The following CNTNAP4 variants were observed in gnomAD, a reference collection of about 807,000 sequenced individuals.
CNTNAP4 encodes the protein contactin-associated protein-like 4.
A neutral mutation model predicts 148.4 loss-of-function variants in CNTNAP4; 98 were observed. The ratio of observed to expected loss-of-function variants is 0.66; its 90% confidence interval spans 0.56 to 0.78. The LOEUF (loss-of-function observed/expected upper bound fraction) is 0.78. Among genes scored for constraint, CNTNAP4 ranks in the 30% least tolerant of loss-of-function variants. The pLI, the probability that CNTNAP4 is intolerant of heterozygous loss-of-function variation, is 0.00. For synonymous variants in CNTNAP4, 730 were observed against 565.1 expected, an observed-to-expected ratio of 1.29 and a Z score of -4.14; for missense variants, 1,935 against 1,565.6, an observed-to-expected ratio of 1.24 and a Z score of -3.98.
chr16:76,492,796 G>C (rs1193197657), intron 13 of CNTNAP4, among the ~76,000 whole-genome samples: 1 of 152,108 alleles, frequency 6.6e-6, no homozygotes, highest in Non-Finnish European at 1.5e-5. Flanking sequence ...GGCCTCCCCA[G>C]CCATGTGGAA....
At chr16:76,401,830 G>T (rs2078428365) in intron 3 of CNTNAP4, among the ~76,000 whole-genome samples, 1 of 152,076 alleles carries the variant, frequency 6.6e-6, no homozygotes. Context: ...TTCTGTTTAT[G>T]CGATGAATCA....
At chr16:76,284,444 A>G (rs960206747) in intron 1 of CNTNAP4, among the ~76,000 whole-genome samples, 1 of 152,018 alleles carries the variant, frequency 6.6e-6, no homozygotes, top group African/African-American at 2.4e-5. Flanking sequence ...CCTCATGCAG[A>G]CAAAAATTAC....
intron 12 of CNTNAP4, among the ~76,000 whole-genome samples, chr16:76,481,611 T>C (rs1597686515): frequency 6.6e-6 from 1 of 152,174 alleles, no homozygotes. Flanking sequence ...TCATTGTAGA[T>C]GTAGAACCTT....
chr16:76,320,911 T>A (rs1597182855), intron 2 of CNTNAP4, among the ~76,000 whole-genome samples: 1 of 152,190 alleles, frequency 6.6e-6, no homozygotes, highest in East Asian at 1.9e-4. Context: ...AATAATATAT[T>A]TACAAGTGTG....
intron 10 of CNTNAP4, among the ~76,000 whole-genome samples, chr16:76,471,733 G>A (rs1032084564): frequency 6.6e-6 from 1 of 152,146 alleles, no homozygotes; most frequent in African/African-American, 2.4e-5. Context: ...TGAAGATCGT[G>A]GTGTTATTCC....
intron 17 of CNTNAP4, among the ~76,000 whole-genome samples, chr16:76,525,580 T>C (rs1232255666): frequency 6.8e-6 from 1 of 146,612 alleles, no homozygotes. Flanking sequence ...TATTTGTATA[T>C]ATAAAAAATT....
rs562174378 is a variant in CNTNAP4 at position 76,372,394 on chromosome 16, C to T, written c.390+16883C>T. On this transcript the variant is annotated intron_variant, in intron 3 of 23. Transcript: ENST00000611870. The stretch of plus-strand genomic sequence containing the variant: ...CGATTTCCTGACCTCGTGATCTGCC[C>T]GCCTCGGCCTCCCAAAGTACTGGGA... 4.6e-3 allele frequency among the ~76,000 whole-genome samples: 696 copies of T among 151,902 alleles called. 4 individuals are homozygous for T. Among genetic ancestry groups the T allele is most frequent in the African/African-American group, 0.016 (677 of 41,386 alleles).
intron 15 of CNTNAP4, among the ~76,000 whole-genome samples, chr16:76,517,988 C>T (rs2144070757): frequency 6.6e-6 from 1 of 152,176 alleles, no homozygotes; most frequent in South Asian, 2.1e-4. Flanking sequence ...AAATTGACTT[C>T]ATTTTTAACT....
intron 17 of CNTNAP4, among the ~76,000 whole-genome samples, chr16:76,529,924 C>T (rs756244188): frequency 4.6e-5 from 7 of 151,686 alleles, no homozygotes; most frequent in South Asian, 2.1e-4. Flanking sequence ...TTCTAGGTCA[C>T]GGCATATGCA....
At chr16:76,453,755 T>G (rs1031462633) in intron 8 of CNTNAP4, among the ~76,000 whole-genome samples, 1 of 152,186 alleles carries the variant, frequency 6.6e-6, no homozygotes, top group Non-Finnish European at 1.5e-5. Flanking sequence ...TGCCTATTAT[T>G]TATATGTCTT....
chr16:76,420,988 T>C (rs977226787), intron 3 of CNTNAP4, among the ~76,000 whole-genome samples: 6 of 152,078 alleles, frequency 3.9e-5, no homozygotes, highest in Admixed American at 1.3e-4. Context: ...AATGTAAGCT[T>C]TATGACTTGT....
intron 1 of CNTNAP4, among the ~76,000 whole-genome samples, chr16:76,312,383 A>G (rs1406873418): frequency 1.3e-5 from 2 of 152,206 alleles, no homozygotes; most frequent in Admixed American, 1.3e-4. Flanking sequence ...TTGCAAGTCT[A>G]GATCCTGTGT....
At chr16:76,440,373 A>T (rs889868688) in intron 4 of CNTNAP4, among the ~76,000 whole-genome samples, 7 of 152,134 alleles carry the variant, frequency 4.6e-5, no homozygotes, top group African/African-American at 1.7e-4. Context: ...GTTTTTAGTC[A>T]TCTGACCTCA....
chr16:76,517,892 A>T (rs941304471), intron 15 of CNTNAP4, among the ~76,000 whole-genome samples: 6 of 151,930 alleles, frequency 3.9e-5, no homozygotes, highest in South Asian at 2.1e-4. Flanking sequence ...GTTTTTTTTT[A>T]AAAAAGGAAT....
chr16:76,300,017 A>G (rs566951006), intron 1 of CNTNAP4, among the ~76,000 whole-genome samples: 24 of 152,008 alleles, frequency 1.6e-4, no homozygotes, highest in Non-Finnish European at 2.8e-4. Flanking sequence ...GTGGGGAGGG[A>G]TAGCATTAGG....
intron 12 of CNTNAP4, among the ~76,000 whole-genome samples, chr16:76,481,941 A>T (rs535886204): frequency 8.3e-4 from 126 of 152,124 alleles, no homozygotes; most frequent in Non-Finnish European, 1.5e-3. Flanking sequence ...GCTTCATGAC[A>T]ATGTTGTAAG....
At chr16:76,455,217 T>C (rs1244747109) in intron 8 of CNTNAP4, among the ~76,000 whole-genome samples, 2 of 152,208 alleles carry the variant, frequency 1.3e-5, no homozygotes, top group African/African-American at 4.8e-5. Context: ...CAGTACAGTT[T>C]TATGTTCCCA....
intron 2 of CNTNAP4, among the ~76,000 whole-genome samples, chr16:76,340,101 C>T (rs1200919866): frequency 1.3e-5 from 2 of 152,122 alleles, no homozygotes; most frequent in African/African-American, 4.8e-5. Flanking sequence ...GTGTTACATG[C>T]TGCATCAAGA....
At chr16:76,408,672 AATTT>A (rs2078690937) in intron 3 of CNTNAP4, among the ~76,000 whole-genome samples, 1 of 152,070 alleles carries the variant, frequency 6.6e-6, no homozygotes, top group Non-Finnish European at 1.5e-5. Context: ...AGTGAACAAT[AATTT>A]ATTTGCACCA....
Sources: allele counts gnomAD v4.1 joint callset (sites outside exome capture counted in the v4.1 genomes callset), GRCh38; gene constraint gnomAD v4.1.1; transcripts MANE v1.5; gene names NCBI Gene and HGNC (gene_info 2026-07-23, HGNC 2026-07-21).